USP45: variants seen among roughly 807,000 people sequenced by gnomAD.
The protein encoded by USP45 is ubiquitin carboxyl-terminal hydrolase 45.
In USP45, 89 loss-of-function variants were observed where a neutral mutation model predicts 95.8. That is an observed-to-expected ratio of 0.93 (90% confidence interval 0.78 to 1.11). The LOEUF is 1.11. Ranked by LOEUF, USP45 falls within the 50% of genes least tolerant of loss-of-function variation. The probability of loss-of-function intolerance (pLI) is 0.00; values close to 1 mark genes in which losing one functional copy is unlikely to be tolerated. For missense variants in USP45, 898 were observed against 942.5 expected (o/e 0.95, Z 0.62); for synonymous variants, 281 against 316.2 (o/e 0.89, Z 1.18).
At position 99,488,245 on chromosome 6, in the gene USP45, T is replaced by C; in HGVS notation, c.669A>G (p.Glu223=). ...TLTDLMNEIK[E]SSTKLKIFPS... The stretch of plus-strand genomic sequence containing the variant: ...GAAAAATCTTGAGTTTTGTACTACT[T>C]TCTTTGATCTCATTCATCAGATCAG... The change falls in exon 7 of 18, where the codon GAA becomes GAG. Residue 223 remains glutamate, a synonymous_variant. Coordinates refer to ENST00000500704, the MANE Select transcript of USP45 (RefSeq NM_001346022.3). 1 of 1,612,782 alleles carries C rather than the reference T, an allele frequency of 6.2e-7. No homozygotes were observed. The highest frequency in any genetic ancestry group is 1.1e-5 in the South Asian group (1 of 90,958).
Position 99,455,690 on chromosome 6 carries a change from T to C in USP45, c.1308+8914A>G, listed in dbSNP as rs552277432. Reference sequence around the variant, plus strand: ...AGTATATATCCATAATGGAATACTCTTCAGCCCTAAAAAGAATGAAATCCT... The same window carrying C: ...AGTATATATCCATAATGGAATACTCCTCAGCCCTAAAAAGAATGAAATCCT... On this transcript the variant is annotated intron_variant, in intron 13 of 17. Transcript: ENST00000500704. Among the ~76,000 whole-genome samples the C allele has an allele frequency of 1.2e-4, 18 of 151,912 alleles. No homozygotes were observed. The South Asian group carries it at 3.8e-3, about 32-fold the overall frequency.
chr6:99,487,633 CAAAAAA>C (rs11335830), intron 7 of USP45, among the ~76,000 whole-genome samples: 5 of 106,382 alleles, frequency 4.7e-5, no homozygotes, highest in Non-Finnish European at 7.4e-5. Context: ...ACTAAAAATA[CAAAAAA>C]AAAAAAAAAA....
Position 99,437,381 on chromosome 6 carries a change from TATCTCCCACACTTGC to T in USP45, c.2164_2178del (p.Ala722_Asp726del). ...ATGCCATAGAGACCGTAGAGAACTT[TATCTCCCACACTTGC>T]ATTCTTTTAAACAAAGAAAAAAACC... On this transcript the variant is annotated inframe_deletion, in exon 17 of 18. Transcript: ENST00000500704. The T allele has an allele frequency of 6.2e-7, 1 of 1,600,434 alleles. No homozygotes were observed. Among genetic ancestry groups the T allele is most frequent in the Non-Finnish European group, 8.5e-7 (1 of 1,176,394 alleles).
chr6:99,483,694 C>A (rs1456678274), intron 7 of USP45, among the ~76,000 whole-genome samples: 5 of 148,036 alleles, frequency 3.4e-5, no homozygotes, highest in Non-Finnish European at 7.4e-5. Context: ...AAAAATTAGC[C>A]AGGCGCGGTG....
intron 9 of USP45, among the ~76,000 whole-genome samples, chr6:99,473,403 C>T (rs1789940905): frequency 6.6e-6 from 1 of 151,668 alleles, no homozygotes; most frequent in African/African-American, 2.4e-5. Context: ...AAAAATTAGC[C>T]AGGCTTGGTG....
intron 1 of USP45, among the ~76,000 whole-genome samples, chr6:99,511,886 T>TATATATATAC (rs1554258042): frequency 7.0e-6 from 1 of 142,516 alleles, no homozygotes; most frequent in Non-Finnish European, 1.5e-5. Flanking sequence ...TATATATATA[T>TATATATATAC]ACACATAGTT....
chr6:99,443,740 A>G (rs183854392), intron 14 of USP45, 78 bp from the exon 15 acceptor site: 9,554 of 901,950 alleles, frequency 0.011, 90 homozygotes, highest in Non-Finnish European at 0.013. Context: ...TTTATACAGA[A>G]GTATCATACC....
rs1797893670 is a variant in USP45, at chr6:99,503,697, T to C, written c.478+68A>G. The C allele has an allele frequency of 4.7e-6, 5 of 1,063,098 alleles. No homozygotes were observed. The East Asian group carries it at 1.3e-4, about 27-fold the overall frequency. The allele number at this position is 1,063,098 out of a possible 1,614,324, so 65.9% of individuals were successfully genotyped here. On this transcript the variant is annotated intron_variant, in intron 5 of 17. Transcript: ENST00000500704. ...ACAGTAAAATCTAAAGTATTCTTTA[T>C]GAATTTATGAACTCTATATGAAATA...
intron 13 of USP45, chr6:99,462,335 G>A: frequency 1.8e-5 from 18 of 984,730 alleles, no homozygotes; most frequent in Non-Finnish European, 2.2e-5. Flanking sequence ...AACCAATACT[G>A]TGTGGAAAGT....
chr6:99,465,239 T>C, intron 11 of USP45, 103 bp from the exon 12 acceptor site: 1 of 893,216 alleles, frequency 1.1e-6, no homozygotes. Context: ...CCTAAAATTT[T>C]ACGTTAAAAA....
intron 9 of USP45, among the ~76,000 whole-genome samples, chr6:99,469,002 T>C (rs1384796990): frequency 6.6e-6 from 1 of 152,154 alleles, no homozygotes; most frequent in East Asian, 1.9e-4. Flanking sequence ...AAATAGACCA[T>C]ATGAAATTTA....
At chr6:99,501,812 T>G in intron 5 of USP45, 1 of 823,992 alleles carries the variant, frequency 1.2e-6, no homozygotes, top group South Asian at 2.1e-5. Context: ...TGTTATATAA[T>G]AAAGGATCTG....
At chr6:99,489,472 T>G (rs889838604) in intron 5 of USP45, among the ~76,000 whole-genome samples, 21 of 152,166 alleles carry the variant, frequency 1.4e-4, no homozygotes, top group Non-Finnish European at 1.3e-4. Context: ...AAAATCACCA[T>G]CCTATAGTGG....
In USP45 at chr6:99,439,827, C is replaced by G; in HGVS notation, c.2102G>C (p.Arg701Thr). ...QAGLSLRKVN[R>T]HVDFPLMLDL... ...GAGCATAAGTGGAAAATCTACATGT[C>G]TGTTTACTTTACGAAGACTCAAGCC... Residue 701 changes from arginine to threonine, a missense_variant, in exon 16 of 18, where the codon AGA becomes ACA. Physicochemically the swap from Arg to Thr is moderately conservative, Grantham distance 71. Transcript: ENST00000500704. The G allele has an allele frequency of 1.2e-6, 2 of 1,607,148 alleles. No individual in the cohort carries two copies. The highest frequency in any genetic ancestry group is 1.3e-5 in the African/African-American group (1 of 74,892).
chr6:99,473,615 G>C (rs765757129), intron 9 of USP45, among the ~76,000 whole-genome samples: 3 of 151,374 alleles, frequency 2.0e-5, no homozygotes, highest in South Asian at 2.1e-4. Context: ...AATTAGCTGG[G>C]AATGGTGGCA....
At chr6:99,493,503 T>A (rs1205150027) in intron 5 of USP45, among the ~76,000 whole-genome samples, 1 of 152,160 alleles carries the variant, frequency 6.6e-6, no homozygotes, top group African/African-American at 2.4e-5. Context: ...TATGTATGTA[T>A]GTATGTATTT....
chr6:99,477,084 T>C (rs1791052407), intron 8 of USP45, among the ~76,000 whole-genome samples: 1 of 152,174 alleles, frequency 6.6e-6, no homozygotes, highest in Non-Finnish European at 1.5e-5. Flanking sequence ...TCTGTCAAAA[T>C]ACAAAATAAT....
intron 14 of USP45, 76 bp from the exon 15 acceptor site, chr6:99,443,738 G>C (rs1336931728): frequency 1.1e-6 from 1 of 935,404 alleles, no homozygotes; most frequent in Non-Finnish European, 1.5e-6. Flanking sequence ...AATTTATACA[G>C]AAGTATCATA....
chr6:99,463,025 A>G (rs1344228923), intron 13 of USP45, among the ~76,000 whole-genome samples: 4 of 152,134 alleles, frequency 2.6e-5, no homozygotes, highest in South Asian at 2.1e-4. Context: ...GTTAAATTTA[A>G]TATTAATTTG....
Sources: allele counts gnomAD v4.1 joint callset (sites outside exome capture counted in the v4.1 genomes callset), GRCh38; gene constraint gnomAD v4.1.1; transcripts MANE v1.5; gene names NCBI Gene and HGNC (gene_info 2026-07-23, HGNC 2026-07-21).